The following SYNE3 variants were observed in gnomAD, a reference collection of about 807,000 sequenced individuals.
SYNE3 encodes nesprin-3.
A neutral mutation model predicts 111.2 loss-of-function variants in SYNE3; 100 were observed. That is an observed-to-expected ratio of 0.90 (90% CI 0.77 to 1.06). The LOEUF is 1.06. SYNE3 is among the 50% of genes least tolerant of loss of function. The probability of loss-of-function intolerance (pLI) is 0.00; values close to 1 mark genes in which losing one functional copy is unlikely to be tolerated. For missense variants in SYNE3, 1,160 were observed against 1,240.3 expected, an observed-to-expected ratio of 0.94 and a Z score of 0.97; for synonymous variants, 547 against 533.9, an observed-to-expected ratio of 1.02 and a Z score of -0.34.
rs1886510589 is a variant in SYNE3, at chr14:95,443,283, G to T, written c.1783C>A (p.Gln595Lys). 1 of 1,614,062 alleles carries T rather than the reference G, an allele frequency of 6.2e-7. No homozygotes were observed. Among genetic ancestry groups the T allele is most frequent in the Non-Finnish European group, 8.5e-7 (1 of 1,180,026 alleles). Reference protein sequence around the residue: ...QAQLSRLQGLQEEGLDLGAQM... With the variant: ...QAQLSRLQGLKEEGLDLGAQM... The stretch of plus-strand genomic sequence containing the variant: ...GCCCCCAAGTCCAGCCCCTCTTCCT[G>T]CAGCCCCTGCAGTAGAGAAGGGAAC... The change falls in exon 11 of 18, where the codon CAG becomes AAG. Residue 595 changes from glutamine to lysine, a missense_variant. Coordinates refer to ENST00000682763, the MANE Select transcript of SYNE3 (RefSeq NM_152592.6).
rs1289967799 is a variant in SYNE3 at position 95,415,129 on chromosome 14, C to T, written c.*2697G>A. 1.3e-5 allele frequency: 2 copies of T among 152,178 alleles called. No individual in the cohort carries two copies. Among genetic ancestry groups the T allele is most frequent in the African/African-American group, 4.8e-5 (2 of 41,434 alleles). The allele number at this position is 152,178 out of a possible 1,614,324, so 9.4% of individuals were successfully genotyped here. A position where few individuals can be genotyped will look rare whatever the true frequency, so the allele number is the denominator to read the frequency against. The stretch of plus-strand genomic sequence containing the variant: ...TTGCTGACATGAGCGGATCATACCA[C>T]AATGAGCAGGGTACCACCTGAGGGC... On this transcript the variant is annotated 3_prime_UTR_variant, in exon 18 of 18. Coordinates refer to ENST00000682763, the MANE Select transcript of SYNE3 (RefSeq NM_152592.6).
rs763902909 is a variant in SYNE3 at position 95,444,583 on chromosome 14, G to C, written c.1678C>G (p.Leu560Val). The change falls in exon 10 of 18, where the codon CTG (leucine) becomes GTG (valine). Residue 560 changes from leucine (L) to valine (V), a missense_variant. Leu to Val is a conservative substitution (Grantham distance 32, BLOSUM62 1). Coordinates refer to ENST00000682763, the MANE Select transcript of SYNE3 (RefSeq NM_152592.6). ...TGGAGGTCCAAGAGCTTCCTCTGCA[G>C]GGGCTCAAAAGCTGCTCCAAAGTCT... is the stretch of plus-strand genomic sequence containing the variant. ...HKDFGAAFEP[L>V]QRKLLDLQVR... 6.2e-7 allele frequency: 1 copy of C among 1,612,828 alleles called. No individual in the cohort carries two copies. Among genetic ancestry groups the C allele is most frequent in the African/African-American group, 1.3e-5 (1 of 74,884 alleles).
chr14:95,479,940 G>A (rs1239351678), intron 1 of SYNE3, among the ~76,000 whole-genome samples: 1 of 152,136 alleles, frequency 6.6e-6, no homozygotes, highest in Non-Finnish European at 1.5e-5. Flanking sequence ...AGAAATGGCA[G>A]ACGCACACGG....
chr14:95,466,341 G>A, intron 3 of SYNE3, 101 bp from the exon 4 acceptor site: 1 of 1,379,892 alleles, frequency 7.2e-7, no homozygotes, highest in Non-Finnish European at 9.7e-7. Context: ...GGGGGCTGTG[G>A]TCTGGGGGCA....
At chr14:95,445,561 A>C (rs974296483) in intron 9 of SYNE3, among the ~76,000 whole-genome samples, 12 of 152,270 alleles carry the variant, frequency 7.9e-5, no homozygotes, top group African/African-American at 2.7e-4. Flanking sequence ...TTCCAGCTCC[A>C]GGGTGGTTTA....
Position 95,407,473 on chromosome 14 carries a change from G to T in SYNE3, c.*10353C>A, listed in dbSNP as rs572608205. 1 of 152,224 alleles carries T rather than the reference G, an allele frequency of 6.6e-6. No homozygotes were observed. The highest frequency in any genetic ancestry group is 2.1e-4 in the South Asian group (1 of 4,820). 9.4% of individuals were successfully genotyped at this position (152,224 alleles called of 1,614,324 possible). ...GGGTCCTGGTGTTCCTCCCTGGATG[G>T]CGGGGAAGGCTCCATTAGCTTTGGA... On this transcript the variant is annotated 3_prime_UTR_variant, in exon 18 of 18. Transcript: ENST00000682763.
chr14:95,441,661 G>A (rs1038013813), intron 11 of SYNE3, among the ~76,000 whole-genome samples: 4 of 152,300 alleles, frequency 2.6e-5, no homozygotes, highest in Admixed American at 6.5e-5. Flanking sequence ...CTGCTTCTAC[G>A]GGTTTCTATG....
rs1245625906 is a variant in SYNE3, at chr14:95,445,942, A to G, written c.1599T>C (p.His533=). ...TGCTTTTCCTCTGCAGGAGGCTGTT[A>G]TGCAGCAGGTCTCTGTCCCTCATGG... ...AGSMRDRDLL[H]NSLLQRKSKL... The change falls in exon 9 of 18, where the codon CAT becomes CAC. Residue 533 remains histidine (H), a synonymous_variant. Coordinates refer to ENST00000682763, the MANE Select transcript of SYNE3 (RefSeq NM_152592.6). 6.2e-7 allele frequency: 1 copy of G among 1,613,952 alleles called. No homozygotes were observed. Among genetic ancestry groups the G allele is most frequent in the Non-Finnish European group, 8.5e-7 (1 of 1,180,040 alleles).
At chr14:95,491,266 C>T (rs773673651) in intron 1 of SYNE3, among the ~76,000 whole-genome samples, 2 of 152,012 alleles carry the variant, frequency 1.3e-5, no homozygotes, top group African/African-American at 4.8e-5. Flanking sequence ...TCTAGCTGTG[C>T]CGTTTTATGG....
At chr14:95,428,065 C>T (rs1484144922) in intron 17 of SYNE3, among the ~76,000 whole-genome samples, 5 of 152,200 alleles carry the variant, frequency 3.3e-5, no homozygotes, top group Non-Finnish European at 7.3e-5. Flanking sequence ...GGAAAGCCCA[C>T]ATCAATATGG....
At chr14:95,492,780 C>A (rs1889910170) in intron 1 of SYNE3, among the ~76,000 whole-genome samples, 1 of 152,096 alleles carries the variant, frequency 6.6e-6, no homozygotes, top group Admixed American at 6.5e-5. Context: ...CTTTGGGAGG[C>A]CGAGGTGGGA....
chr14:95,491,876 AG>A (rs1889869390), intron 1 of SYNE3, among the ~76,000 whole-genome samples: 1 of 152,236 alleles, frequency 6.6e-6, no homozygotes, highest in South Asian at 2.1e-4. Context: ...ACTTACATCT[AG>A]AAAATCCAAA....
chr14:95,445,380 C>T (rs755313293), intron 9 of SYNE3, among the ~76,000 whole-genome samples: 3 of 152,228 alleles, frequency 2.0e-5, no homozygotes, highest in Non-Finnish European at 4.4e-5. Flanking sequence ...ATCTGGAGCT[C>T]TTAGCAATGC....
intron 8 of SYNE3, among the ~76,000 whole-genome samples, chr14:95,448,181 T>G (rs1886828405): frequency 1.3e-5 from 2 of 152,330 alleles, no homozygotes; most frequent in East Asian, 3.9e-4. Context: ...GGTGACCATA[T>G]CTCATGGAAA....
chr14:95,409,564 A>C lies in SYNE3; in HGVS notation c.*8262T>G. On this transcript the variant is annotated 3_prime_UTR_variant, in exon 18 of 18. Transcript: ENST00000682763. ...GGGTTGGGGATGATGTTACCATGAC[A>C]ACCGGAGAGCAGGTGCTGGGAGATG... 1 of 374,460 alleles carries C rather than the reference A, an allele frequency of 2.7e-6. No homozygotes were observed. The highest frequency in any genetic ancestry group is 5.2e-6 in the Non-Finnish European group (1 of 190,640). The allele number at this position is 374,460 out of a possible 1,614,324, so 23.2% of individuals were successfully genotyped here.
chr14:95,458,586 G>C (rs2139448235), intron 4 of SYNE3, among the ~76,000 whole-genome samples: 1 of 152,094 alleles, frequency 6.6e-6, no homozygotes, highest in South Asian at 2.1e-4. Flanking sequence ...CTCACTCTGA[G>C]GCCATGCCCA....
chr14:95,417,876 C>T lies in SYNE3; in HGVS notation c.2878G>A (p.Ala960Thr), dbSNP rs749360218. Residue 960 changes from alanine to threonine, a missense_variant, in exon 18 of 18, where the codon GCC becomes ACC. Ala to Thr is a moderately conservative substitution (Grantham distance 58, BLOSUM62 0). Coordinates refer to ENST00000682763, the MANE Select transcript of SYNE3 (RefSeq NM_152592.6). Reference sequence around the variant, plus strand: ...CGCAGCATGAGCGTGAAGGAGCGGGCGAAGTTGTTGGCCAGGGTGCAGCTG... The same window carrying T: ...CGCAGCATGAGCGTGAAGGAGCGGGTGAAGTTGTTGGCCAGGGTGCAGCTG... Reference protein sequence around the residue: ...DRSCTLANNFARSFTLMLRYN... With the variant: ...DRSCTLANNFTRSFTLMLRYN... 5.0e-6 allele frequency: 8 copies of T among 1,614,006 alleles called. No homozygotes were observed. The highest frequency in any genetic ancestry group is 1.7e-5 in the Admixed American group (1 of 59,996).
At chr14:95,437,032 C>A in intron 14 of SYNE3, 51 bp from the exon 15 acceptor site, 1 of 1,610,180 alleles carries the variant, frequency 6.2e-7, no homozygotes, top group South Asian at 1.1e-5. Context: ...GCCCCCCTGG[C>A]CATGTGTCCT....
chr14:95,431,196 T>C (rs1414812881), intron 17 of SYNE3, among the ~76,000 whole-genome samples: 1 of 152,190 alleles, frequency 6.6e-6, no homozygotes, highest in Non-Finnish European at 1.5e-5. Context: ...CGATTTACAC[T>C]TGGCTTTTCC....
Sources: allele counts gnomAD v4.1 joint callset (sites outside exome capture counted in the v4.1 genomes callset), GRCh38; gene constraint gnomAD v4.1.1; transcripts MANE v1.5; gene names NCBI Gene and HGNC (gene_info 2026-07-23, HGNC 2026-07-21).